SHOC2: variants seen among roughly 807,000 people sequenced by gnomAD.
The protein encoded by SHOC2 is leucine-rich repeat protein SHOC-2.
Under a neutral mutation model 50.2 loss-of-function variants are expected in SHOC2, and 4 were observed. That is an observed-to-expected ratio of 0.08 (90% CI 0.04 to 0.18). The LOEUF (loss-of-function observed/expected upper bound fraction) is 0.18. SHOC2 is among the 10% of genes least tolerant of loss of function. SHOC2 has a pLI of 1.00. For synonymous variants in SHOC2, 218 were observed against 244.5 expected (o/e 0.89, Z 1.01); for missense variants, 388 against 669.6 (o/e 0.58, Z 4.64).
chr10:111,006,080 T>C (rs1029215730), intron 5 of SHOC2, among the ~76,000 whole-genome samples: 1 of 152,230 alleles, frequency 6.6e-6, no homozygotes, highest in African/African-American at 2.4e-5. Context: ...ACATTCATTT[T>C]GTAGTAATAG....
intron 1 of SHOC2, among the ~76,000 whole-genome samples, chr10:110,927,438 A>G (rs975746163): frequency 6.6e-6 from 1 of 152,230 alleles, no homozygotes; most frequent in East Asian, 1.9e-4. Flanking sequence ...CTCTAAACTC[A>G]TAGAAATGGG....
intron 1 of SHOC2, among the ~76,000 whole-genome samples, chr10:110,944,187 A>G (rs1344509486): frequency 6.6e-6 from 1 of 152,204 alleles, no homozygotes; most frequent in Non-Finnish European, 1.5e-5. Context: ...GTATATTGTT[A>G]TCTCCATTCT....
chr10:110,941,309 C>T (rs1267073311), intron 1 of SHOC2, among the ~76,000 whole-genome samples: 1 of 151,258 alleles, frequency 6.6e-6, no homozygotes, highest in Non-Finnish European at 1.5e-5. Context: ...CCATTTTCTG[C>T]TTGTATTATT....
intron 2 of SHOC2, among the ~76,000 whole-genome samples, chr10:110,979,371 A>G (rs977936261): frequency 7.9e-5 from 12 of 152,242 alleles, no homozygotes; most frequent in South Asian, 2.1e-4. Context: ...GTGACATCCC[A>G]TCACCTTTGC....
chr10:110,986,630 C>T lies in SHOC2; in HGVS notation c.841+865C>T, dbSNP rs147111187. Among the ~76,000 whole-genome samples, 956 of 152,168 alleles carry T rather than the reference C, an allele frequency of 6.3e-3. 3 individuals carry two copies. The highest frequency in any genetic ancestry group is 0.014 in the Middle Eastern group (4 of 294). On this transcript the variant is annotated intron_variant, in intron 3 of 8. Coordinates refer to ENST00000369452, the MANE Select transcript of SHOC2 (RefSeq NM_007373.4). ...CTGGGACTACAGGCGTCCACCACCA[C>T]GCCTGGCTAATTTTTTTCTATTTTT...
At chr10:110,998,334 G>A (rs762372718) in intron 3 of SHOC2, among the ~76,000 whole-genome samples, 1 of 151,724 alleles carries the variant, frequency 6.6e-6, no homozygotes, top group East Asian at 1.9e-4. Flanking sequence ...ATTCTCGTTC[G>A]TATTTCTAAC....
chr10:110,949,969 T>C (rs1416076317), intron 1 of SHOC2, among the ~76,000 whole-genome samples: 1 of 152,168 alleles, frequency 6.6e-6, no homozygotes, highest in Non-Finnish European at 1.5e-5. Context: ...GCTGGAAGCT[T>C]GTCCTCTTAA....
At chr10:110,997,965 A>G (rs1293309614) in intron 3 of SHOC2, among the ~76,000 whole-genome samples, 1 of 151,358 alleles carries the variant, frequency 6.6e-6, no homozygotes, top group Non-Finnish European at 1.5e-5. Context: ...ATTTTCTGCC[A>G]ACCCAGCTTT....
intron 2 of SHOC2, among the ~76,000 whole-genome samples, chr10:110,973,711 T>C (rs936618611): frequency 1.3e-5 from 2 of 152,074 alleles, no homozygotes; most frequent in African/African-American, 4.8e-5. Context: ...GAATTTCGAA[T>C]TCAGTTTATT....
intron 2 of SHOC2, among the ~76,000 whole-genome samples, chr10:110,976,357 G>A (rs1298672073): frequency 6.6e-6 from 1 of 151,410 alleles, no homozygotes; most frequent in African/African-American, 2.4e-5. Flanking sequence ...TGTTACCCAG[G>A]CTTGAGTGCA....
intron 1 of SHOC2, among the ~76,000 whole-genome samples, chr10:110,955,341 G>A (rs1278633516): frequency 6.6e-6 from 1 of 152,174 alleles, no homozygotes; most frequent in African/African-American, 2.4e-5. Flanking sequence ...ATTAAGGAAG[G>A]AGGAATAGGA....
At chr10:110,989,546 G>A (rs1360784592) in intron 3 of SHOC2, among the ~76,000 whole-genome samples, 1 of 152,166 alleles carries the variant, frequency 6.6e-6, no homozygotes, top group Non-Finnish European at 1.5e-5. Flanking sequence ...TTTCCTTGAG[G>A]ATCTCAGTAG....
intron 1 of SHOC2, among the ~76,000 whole-genome samples, chr10:110,922,331 G>C (rs966589978): frequency 6.6e-6 from 1 of 152,054 alleles, no homozygotes; most frequent in Non-Finnish European, 1.5e-5. Flanking sequence ...TGGAGGATGG[G>C]TGAATAAACT....
intron 1 of SHOC2, among the ~76,000 whole-genome samples, chr10:110,936,404 G>C (rs891420604): frequency 6.6e-6 from 1 of 151,754 alleles, no homozygotes; most frequent in Non-Finnish European, 1.5e-5. Context: ...CACCCAGCCT[G>C]CTTCACTGAT....
At chr10:110,977,492 G>A (rs746518215) in intron 2 of SHOC2, among the ~76,000 whole-genome samples, 4 of 152,054 alleles carry the variant, frequency 2.6e-5, no homozygotes, top group Non-Finnish European at 4.4e-5. Flanking sequence ...TGATCCGCCC[G>A]CCTCAGCCTC....
intron 1 of SHOC2, among the ~76,000 whole-genome samples, chr10:110,928,398 TA>T (rs35954841): frequency 6.6e-6 from 1 of 152,112 alleles, no homozygotes; most frequent in Non-Finnish European, 1.5e-5. Context: ...TAGAAACTAT[TA>T]AAAAAAGTTC....
chr10:111,002,855 G>A (rs1262705142), intron 4 of SHOC2, among the ~76,000 whole-genome samples: 4 of 152,024 alleles, frequency 2.6e-5, no homozygotes, highest in African/African-American at 7.2e-5. Context: ...CTGGCTTCTT[G>A]TTGCCCCTTC....
intron 8 of SHOC2, 89 bp downstream of exon 8, chr10:111,009,919 G>T: frequency 1.4e-5 from 11 of 801,454 alleles, no homozygotes; most frequent in South Asian, 4.5e-5. Context: ...CAAATCTATT[G>T]TTTTTTAAAC....
At chr10:110,947,554 GATAA>G (rs1217105141) in intron 1 of SHOC2, among the ~76,000 whole-genome samples, 7 of 152,300 alleles carry the variant, frequency 4.6e-5, no homozygotes, top group African/African-American at 1.7e-4. Context: ...ATAATTTGTT[GATAA>G]ATATATAATC....
Sources: allele counts gnomAD v4.1 joint callset (sites outside exome capture counted in the v4.1 genomes callset), GRCh38; gene constraint gnomAD v4.1.1; transcripts MANE v1.5; gene names NCBI Gene and HGNC (gene_info 2026-07-23, HGNC 2026-07-21).